The following CREB3L2 variants were observed in gnomAD, a reference collection of about 807,000 sequenced individuals.
CREB3L2 encodes the protein cyclic AMP-responsive element-binding protein 3-like protein 2.
Under a neutral mutation model 57.2 loss-of-function variants are expected in CREB3L2, and 23 were observed. That is an observed-to-expected ratio of 0.40 (90% CI 0.29 to 0.57). The LOEUF (loss-of-function observed/expected upper bound fraction) is 0.57, where lower values mean the gene tolerates loss of function less well. Ranked by LOEUF, CREB3L2 falls within the 20% of genes least tolerant of loss-of-function variation. The probability of loss-of-function intolerance (pLI) is 0.42; values close to 1 mark genes in which losing one functional copy is unlikely to be tolerated. For synonymous variants in CREB3L2, 268 were observed against 265.1 expected (o/e 1.01, Z -0.11); for missense variants, 628 against 634.7 (o/e 0.99, Z 0.11).
rs1008721457 is a variant in CREB3L2 at position 137,909,295 on chromosome 7, T to C, written c.584-859A>G. On this transcript the variant is annotated intron_variant, in intron 4 of 11. Transcript: ENST00000330387. ...TCTCCTCTAAAGTCTCCCGCGTCTT[T>C]CCTCAAGGAGGCACAACACCCTCTC... 5.3e-5 allele frequency among the ~76,000 whole-genome samples: 8 copies of C among 152,102 alleles called. No individual in the cohort carries two copies. The South Asian group carries it at 8.3e-4, about 16-fold the overall frequency.
At chr7:137,984,324 G>A (rs1177499762) in intron 1 of CREB3L2, among the ~76,000 whole-genome samples, 1 of 152,244 alleles carries the variant, frequency 6.6e-6, no homozygotes, top group Non-Finnish European at 1.5e-5. Context: ...GGGATGGCCA[G>A]TGAAACCTAA....
At chr7:137,906,601 T>C (rs965587659) in intron 5 of CREB3L2, among the ~76,000 whole-genome samples, 4 of 152,262 alleles carry the variant, frequency 2.6e-5, no homozygotes, top group Non-Finnish European at 5.9e-5. Flanking sequence ...AATTAAATGC[T>C]AAACTGTAAT....
chr7:137,955,383 T>C (rs1305704811), intron 1 of CREB3L2: 1 of 1,117,802 alleles, frequency 8.9e-7, no homozygotes, highest in Non-Finnish European at 1.2e-6. Flanking sequence ...GTCTTATGAT[T>C]AGTTCTTCAG....
At chr7:137,967,550 CCAAAA>C (rs1240360637) in intron 1 of CREB3L2, among the ~76,000 whole-genome samples, 1 of 152,134 alleles carries the variant, frequency 6.6e-6, no homozygotes, top group African/African-American at 2.4e-5. Flanking sequence ...TAATGCTAAC[CCAAAA>C]CAAGAGATAC....
At chr7:137,955,838 T>C (rs1482691138) in intron 1 of CREB3L2, among the ~76,000 whole-genome samples, 1 of 152,148 alleles carries the variant, frequency 6.6e-6, no homozygotes, top group Non-Finnish European at 1.5e-5. Context: ...CGCCAAGGTC[T>C]GATGTTTCAT....
At chr7:137,914,509 G>A (rs1165948262) in intron 3 of CREB3L2, among the ~76,000 whole-genome samples, 1 of 152,186 alleles carries the variant, frequency 6.6e-6, no homozygotes, top group Non-Finnish European at 1.5e-5. Flanking sequence ...GCTGGTGCCT[G>A]TAATCCCAGC....
intron 1 of CREB3L2, among the ~76,000 whole-genome samples, chr7:137,955,002 A>G (rs562959120): frequency 9.0e-4 from 137 of 152,328 alleles, no homozygotes; most frequent in Non-Finnish European, 1.1e-3. Context: ...CTTATTTAAC[A>G]TAAAACTCTA....
At chr7:137,999,916 A>C (rs1802048466) in intron 1 of CREB3L2, 1 of 152,234 alleles carries the variant, frequency 6.6e-6, no homozygotes, top group Non-Finnish European at 1.5e-5. Context: ...TGTTAATATC[A>C]AAGCAAATGT....
intron 1 of CREB3L2, among the ~76,000 whole-genome samples, chr7:137,938,603 C>T (rs1054614719): frequency 4.3e-4 from 65 of 152,230 alleles, no homozygotes; most frequent in African/African-American, 1.5e-3. Context: ...CTCGGCTTCC[C>T]AAAGTGCTGG....
intron 8 of CREB3L2, among the ~76,000 whole-genome samples, chr7:137,892,627 G>A (rs1458009772): frequency 6.6e-6 from 1 of 152,144 alleles, no homozygotes; most frequent in Non-Finnish European, 1.5e-5. Context: ...TCCAGCCTGG[G>A]TGACAGAGCA....
chr7:137,958,562 C>T (rs912629739), intron 1 of CREB3L2, among the ~76,000 whole-genome samples: 1 of 152,174 alleles, frequency 6.6e-6, no homozygotes, highest in Non-Finnish European at 1.5e-5. Context: ...AGCCAAACAG[C>T]TTGAGATATC....
At chr7:137,929,882 A>AATT (rs1800577047) in intron 1 of CREB3L2, among the ~76,000 whole-genome samples, 1 of 145,206 alleles carries the variant, frequency 6.9e-6, no homozygotes, top group East Asian at 2.1e-4. Context: ...ATAAATAAAT[A>AATT]AATTAATTAA....
At position 137,928,266 on chromosome 7, in the gene CREB3L2, G is replaced by A; in HGVS notation, c.203C>T (p.Pro68Leu). The change falls in exon 2 of 12, where the codon CCT (proline) becomes CTT (leucine). Residue 68 changes from proline to leucine, a missense_variant. This residue lies in a region of CREB3L2 where 339 missense variants were observed against 355.4 expected (regional missense o/e 0.95). Coordinates refer to ENST00000330387, the MANE Select transcript of CREB3L2 (RefSeq NM_194071.4). ...SEKSVSMEVEPSPTSPAPLIQ... is the reference protein window; with the variant it reads ...SEKSVSMEVELSPTSPAPLIQ... ...GAGAGGCGCCGGGGACGTCGGGGAA[G>A]GTTCCACCTCCATTGACACACTCTT... 6.2e-7 allele frequency: 1 copy of A among 1,613,986 alleles called. No homozygotes were observed. Among genetic ancestry groups the A allele is most frequent in the Non-Finnish European group, 8.5e-7 (1 of 1,179,980 alleles).
In CREB3L2 at chr7:137,928,102, A is replaced by C. The variant is rs1310303699; in HGVS notation, c.319+48T>G. The C allele has an allele frequency of 2.1e-6, 3 of 1,450,536 alleles. No homozygotes were observed. In the African/African-American group the frequency reaches 4.2e-5, roughly 21 times the overall value. The allele number at this position is 1,450,536 out of a possible 1,614,324, so 89.9% of individuals were successfully genotyped here. On this transcript the variant is annotated intron_variant, in intron 2 of 11. Coordinates refer to ENST00000330387, the MANE Select transcript of CREB3L2 (RefSeq NM_194071.4). ...ACACACTCCACACCCTCAAGAGCTC[A>C]GAACCAAAGGCGCTAAGGTCCAGGT...
intron 1 of CREB3L2, among the ~76,000 whole-genome samples, chr7:137,975,683 T>G (rs956685462): frequency 5.9e-5 from 9 of 152,012 alleles, no homozygotes; most frequent in African/African-American, 1.5e-4. Context: ...CATCCAATTG[T>G]AAAATAGCAG....
chr7:137,961,663 C>T (rs577177594), intron 1 of CREB3L2, among the ~76,000 whole-genome samples: 1 of 152,172 alleles, frequency 6.6e-6, no homozygotes, highest in Non-Finnish European at 1.5e-5. Context: ...AGTCCTCTAT[C>T]TTTCTCTCAG....
intron 1 of CREB3L2, among the ~76,000 whole-genome samples, chr7:137,993,058 A>C (rs4728425): frequency 0.84 from 128,043 of 152,220 alleles, 54,389 homozygotes; most frequent in East Asian, 0.9. Flanking sequence ...AGCACAATGT[A>C]GGAGCTGGAG....
intron 6 of CREB3L2, among the ~76,000 whole-genome samples, chr7:137,904,709 C>T (rs1799843815): frequency 6.6e-6 from 1 of 151,318 alleles, no homozygotes; most frequent in Non-Finnish European, 1.5e-5. Context: ...CATGGTGGCA[C>T]ACGTCTGTGG....
rs377502563 is a variant in CREB3L2, at chr7:137,948,961, T to C, written c.103-20595A>G. Among the ~76,000 whole-genome samples the C allele has an allele frequency of 6.6e-5, 10 of 152,162 alleles. 1 individual carries two copies. Among genetic ancestry groups the C allele is most frequent in the African/African-American group, 1.7e-4 (7 of 41,426 alleles). On this transcript the variant is annotated intron_variant, in intron 1 of 11. Transcript: ENST00000330387. ...GGCTGTCTGTTACCAACTTACACCA[T>C]AGGAGTCATCAGAAATATAAAGGAC...
Sources: allele counts gnomAD v4.1 joint callset (sites outside exome capture counted in the v4.1 genomes callset), GRCh38; gene constraint gnomAD v4.1.1; regional missense constraint gnomAD v4.1.1; transcripts MANE v1.5; gene names NCBI Gene and HGNC (gene_info 2026-07-23, HGNC 2026-07-21).